Variants in TP73 observed in about 807,000 individuals in gnomAD.
TP73 encodes the protein tumor protein p73.
In TP73, 25 loss-of-function variants were observed where a neutral mutation model predicts 62.5. The ratio of observed to expected loss-of-function variants is 0.40; its 90% confidence interval spans 0.29 to 0.56. The LOEUF (loss-of-function observed/expected upper bound fraction) is 0.56. TP73 is among the 20% of genes least tolerant of loss of function. TP73 has a pLI of 0.46. For missense variants in TP73, 754 were observed against 913.3 expected (o/e 0.83, Z 2.25); for synonymous variants, 423 against 377.5 (o/e 1.12, Z -1.40).
intron 13 of TP73, 26 bp from the exon 14 acceptor site, chr1:3,732,721 G>A (rs770410944): frequency 6.5e-7 from 1 of 1,545,552 alleles, no homozygotes; most frequent in East Asian, 2.3e-5. Context: ...ACTGCCCCCT[G>A]CCCCTAATGC....
intron 3 of TP73, among the ~76,000 whole-genome samples, chr1:3,702,798 A>G (rs1286278975): frequency 6.6e-6 from 1 of 152,216 alleles, no homozygotes; most frequent in Admixed American, 6.5e-5. Flanking sequence ...TAATTAGCCC[A>G]CTATCTTGGG....
intron 3 of TP73, among the ~76,000 whole-genome samples, chr1:3,705,336 G>C (rs1286043661): frequency 6.6e-6 from 1 of 152,250 alleles, no homozygotes; most frequent in Non-Finnish European, 1.5e-5. Context: ...CTCCTGGGAA[G>C]GACCTGTGGT....
intron 4 of TP73, chr1:3,708,676 A>C (rs1216024548): frequency 6.6e-6 from 1 of 152,338 alleles, no homozygotes; most frequent in Non-Finnish European, 1.5e-5. Flanking sequence ...GGCAAGGTGA[A>C]GGCTGCATGA....
At chr1:3,683,975 G>A (rs572472273) in intron 3 of TP73, among the ~76,000 whole-genome samples, 1 of 152,384 alleles carries the variant, frequency 6.6e-6, no homozygotes, top group African/African-American at 2.4e-5. Context: ...ATTCCTGGGA[G>A]TCTCAAGCCC....
chr1:3,732,607 C>T, intron 13 of TP73, 140 bp from the exon 14 acceptor site: 1 of 742,840 alleles, frequency 1.3e-6, no homozygotes. Flanking sequence ...GTGGGCTCTC[C>T]CCCTCCCCCG....
chr1:3,675,861 G>C (rs1433581578), intron 1 of TP73, among the ~76,000 whole-genome samples: 1 of 152,182 alleles, frequency 6.6e-6, no homozygotes, highest in Non-Finnish European at 1.5e-5. Context: ...CATGGCCAAG[G>C]AAATGTCTGG....
intron 1 of TP73, among the ~76,000 whole-genome samples, chr1:3,680,039 TCCTGTCTCTATC>T (rs904445675): frequency 6.6e-6 from 1 of 150,792 alleles, no homozygotes; most frequent in Non-Finnish European, 1.5e-5. Context: ...GTCTCTCTCT[TCCTGTCTCTATC>T]CCTGTCTCTA....
intron 1 of TP73, among the ~76,000 whole-genome samples, chr1:3,677,558 G>A (rs914234395): frequency 1.3e-5 from 2 of 152,070 alleles, no homozygotes; most frequent in Non-Finnish European, 2.9e-5. Context: ...GGGGGGTGCC[G>A]GCCAGCAGCT....
chr1:3,679,951 CTT>C (rs1263025433), intron 1 of TP73, among the ~76,000 whole-genome samples: 1 of 151,442 alleles, frequency 6.6e-6, no homozygotes, highest in African/African-American at 2.4e-5. Context: ...TTCTGTCTCT[CTT>C]TGTCTCTCTC....
Position 3,688,943 on chromosome 1 carries a change from C to T in TP73, c.186+5763C>T, listed in dbSNP as rs986861914. Among the ~76,000 whole-genome samples the T allele has an allele frequency of 2.6e-5, 4 of 152,158 alleles. No individual in the cohort carries two copies. In the East Asian group the frequency reaches 7.7e-4, roughly 29 times the overall value. ...TCAGGCCGGCCCTGTGCATGGGACT[C>T]GCCTGAGTCTCCTTTTCAATGCATC... On this transcript the variant is annotated intron_variant, in intron 3 of 13. Transcript: ENST00000378295.
intron 13 of TP73, 50 bp from the exon 14 acceptor site, chr1:3,732,697 G>T: frequency 2.0e-6 from 3 of 1,504,318 alleles, no homozygotes; most frequent in Non-Finnish European, 2.7e-6. Flanking sequence ...GACCCCCCCT[G>T]CTCTCCCTGC....
At position 3,672,365 on chromosome 1, in the gene TP73, G is replaced by A. The variant is rs145096450; in HGVS notation, c.-33-9968G>A. Reference sequence around the variant, plus strand: ...GGCCGCACAAAGGCTAGTGACACCCGGTGTGATCCCTTGGGGTAGAAAGGG... The same window carrying A: ...GGCCGCACAAAGGCTAGTGACACCCAGTGTGATCCCTTGGGGTAGAAAGGG... On this transcript the variant is annotated intron_variant, in intron 1 of 13. Transcript: ENST00000378295. The surrounding 1 kb of genome is among the most constrained non-coding windows in gnomAD (Gnocchi z 5.3). Among the ~76,000 whole-genome samples the A allele has an allele frequency of 2.0e-5, 3 of 152,246 alleles. No individual in the cohort carries two copies. The highest frequency in any genetic ancestry group is 4.4e-5 in the Non-Finnish European group (3 of 68,004).
At chr1:3,713,920 C>T (rs1355970605) in intron 4 of TP73, among the ~76,000 whole-genome samples, 1 of 152,116 alleles carries the variant, frequency 6.6e-6, no homozygotes, top group Non-Finnish European at 1.5e-5. Flanking sequence ...AACAGCACTC[C>T]AGGCTTCAGT....
chr1:3,725,709 T>C (rs1334210624), intron 6 of TP73, among the ~76,000 whole-genome samples: 2 of 122,742 alleles, frequency 1.6e-5, no homozygotes, highest in African/African-American at 6.4e-5. Context: ...AGTGGGTGGA[T>C]GGATGTTTAG....
At position 3,728,225 on chromosome 1, in the gene TP73, T is replaced by A; in HGVS notation, c.1074+8T>A. ...GACACGTACTACCTTCAGGTGAGTG[T>A]GTGCTCCTGCACGGCAGCCGGGAGA... On this transcript the variant is annotated splice_region_variant and intron_variant, in intron 9 of 13. Transcript: ENST00000378295. 1 of 1,610,808 alleles carries A rather than the reference T, an allele frequency of 6.2e-7. No homozygotes were observed. Among genetic ancestry groups the A allele is most frequent in the Non-Finnish European group, 8.5e-7 (1 of 1,179,660 alleles).
chr1:3,704,015 G>A (rs1370169566), intron 3 of TP73, among the ~76,000 whole-genome samples: 2 of 152,222 alleles, frequency 1.3e-5, no homozygotes, highest in East Asian at 1.9e-4. Flanking sequence ...GATGGGAGGG[G>A]CCGGCTCATG....
intron 4 of TP73, among the ~76,000 whole-genome samples, chr1:3,713,542 G>A (rs1408466078): frequency 5.9e-5 from 9 of 152,186 alleles, no homozygotes; most frequent in Admixed American, 2.6e-4. Context: ...TCCCGGTCTG[G>A]TGGGTTTCTG....
In TP73 at chr1:3,733,433, T is replaced by G; in HGVS notation, c.*354T>G. 1 of 347,608 alleles carries G rather than the reference T, an allele frequency of 2.9e-6. No individual in the cohort carries two copies. Among genetic ancestry groups the G allele is most frequent in the Non-Finnish European group, 5.3e-6 (1 of 187,536 alleles). 21.5% of individuals were successfully genotyped at this position (347,608 alleles called of 1,614,324 possible). On this transcript the variant is annotated 3_prime_UTR_variant, in exon 14 of 14. Coordinates refer to ENST00000378295, the MANE Select transcript of TP73 (RefSeq NM_005427.4). ...GACTTCCAGGCTTCATCCTAGAGACTGTCATCTCCCAACCAGGCGAGGTCC... is the reference window on the plus strand; with the variant it reads ...GACTTCCAGGCTTCATCCTAGAGACGGTCATCTCCCAACCAGGCGAGGTCC...
Position 3,692,858 on chromosome 1 carries a change from C to T in TP73, c.186+9678C>T, listed in dbSNP as rs182235377. Among the ~76,000 whole-genome samples, 441 of 152,180 alleles carry T rather than the reference C, an allele frequency of 2.9e-3. 1 individual carries two copies. Among genetic ancestry groups the T allele is most frequent in the African/African-American group, 9.8e-3 (408 of 41,510 alleles). ...CCGGGAGGGGTGGGGAGGTGGAGCC[C>T]TGCTGCCCTGGCCTGCAGACCCTCA... is the stretch of plus-strand genomic sequence containing the variant. On this transcript the variant is annotated intron_variant, in intron 3 of 13. Transcript: ENST00000378295.
Sources: gnomAD v4.1 joint callset for allele counts (sites outside exome capture counted in the v4.1 genomes callset) on GRCh38, gnomAD v4.1.1 for gene constraint, Gnocchi (gnomAD v3.1) non-coding constraint, MANE v1.5 for transcripts, NCBI Gene and HGNC (gene_info 2026-07-23, HGNC 2026-07-21) for gene names.